DAB1: variants seen among roughly 807,000 people sequenced by gnomAD.
The protein encoded by DAB1 is DAB adaptor protein 1, also known as disabled homolog 1.
In DAB1, 15 loss-of-function variants were observed where a neutral mutation model predicts 64.6. That is an observed-to-expected ratio of 0.23 (90% CI 0.16 to 0.36). DAB1 has a LOEUF of 0.36. DAB1 is among the 10% of genes least tolerant of loss of function. The pLI is 1.00. For missense variants in DAB1, 596 were observed against 706.7 expected (o/e 0.84, Z 1.78); for synonymous variants, 235 against 251.9 (o/e 0.93, Z 0.64).
intron 2 of DAB1, among the ~76,000 whole-genome samples, chr1:57,215,377 A>T (rs914331842): frequency 6.6e-6 from 1 of 152,254 alleles, no homozygotes; most frequent in African/African-American, 2.4e-5. Flanking sequence ...CCGCATTCAG[A>T]ACATGGGAGA....
intron 7 of DAB1, among the ~76,000 whole-genome samples, chr1:57,553,442 G>GAAAGAAAGAGAA (rs59263518): frequency 3.7e-4 from 25 of 68,186 alleles, no homozygotes; most frequent in African/African-American, 6.9e-4. Context: ...AAGAAAGAAA[G>GAAAGAAAGAGAA]AGAAAGAAAG....
chr1:57,387,040 T>A (rs1343272166), intron 1 of DAB1: 1 of 152,172 alleles, frequency 6.6e-6, no homozygotes, highest in African/African-American at 2.4e-5. Context: ...TTTCTTAAGA[T>A]GTATCCAGCT....
At chr1:57,046,506 C>T (rs1648514201) in intron 9 of DAB1, among the ~76,000 whole-genome samples, 1 of 152,138 alleles carries the variant, frequency 6.6e-6, no homozygotes, top group East Asian at 1.9e-4. Flanking sequence ...AGAACCTCAA[C>T]ATGATGATTT....
At chr1:57,016,592 TAA>T (rs569427918) in intron 11 of DAB1, among the ~76,000 whole-genome samples, 8 of 138,652 alleles carry the variant, frequency 5.8e-5, no homozygotes, top group Admixed American at 1.5e-4. Flanking sequence ...CACTTGTCTC[TAA>T]AAAAAAAAAA....
intron 3 of DAB1, among the ~76,000 whole-genome samples, chr1:58,370,219 G>A (rs776616039): frequency 6.6e-6 from 1 of 152,142 alleles, no homozygotes; most frequent in Non-Finnish European, 1.5e-5. Flanking sequence ...TGTACTGAAT[G>A]TGAATAGAAC....
chr1:58,326,076 T>A (rs1257935305), intron 4 of DAB1, among the ~76,000 whole-genome samples: 1 of 152,204 alleles, frequency 6.6e-6, no homozygotes, highest in Non-Finnish European at 1.5e-5. Flanking sequence ...GGACAATGTA[T>A]TCAGCTTCGT....
At chr1:57,860,997 C>T in intron 1 of DAB1, 1 of 152,294 alleles carries the variant, frequency 6.6e-6, no homozygotes, top group African/African-American at 2.4e-5. Context: ...ACCTGTTGAG[C>T]AAACAGCAGT....
intron 10 of DAB1, among the ~76,000 whole-genome samples, chr1:57,024,737 A>G (rs951183329): frequency 1.3e-5 from 2 of 152,180 alleles, no homozygotes; most frequent in African/African-American, 2.4e-5. Flanking sequence ...CATCTGTAAA[A>G]TGAAGGGGAT....
rs111401157 is a variant in DAB1, at chr1:57,592,535, A to T, written n.625+57057T>A. On this transcript the variant is annotated intron_variant and non_coding_transcript_variant, in intron 7 of 20. Transcript: ENST00000485760. ...TAAATTGGTTGCCACATTAGTGAGGAGTCTTCAGGTCATAGACAATAGAAA... is the reference window on the plus strand; with the variant it reads ...TAAATTGGTTGCCACATTAGTGAGGTGTCTTCAGGTCATAGACAATAGAAA... Among the ~76,000 whole-genome samples, 243 of 152,258 alleles carry T rather than the reference A, an allele frequency of 1.6e-3. 1 individual carries two copies. Among genetic ancestry groups the T allele is most frequent in the African/African-American group, 5.4e-3 (226 of 41,556 alleles).
At position 57,773,223 on chromosome 1, in the gene DAB1, C is replaced by A. The variant is rs1053232502; in HGVS notation, n.551+110776G>T. The stretch of plus-strand genomic sequence containing the variant: ...TAAGAGCCCCAGGAAATTAACATAG[C>A]ATTTTTTCATGTACTGATTAGCTAA... On this transcript the variant is annotated intron_variant and non_coding_transcript_variant, in intron 6 of 20. Coordinates refer to the DAB1 transcript ENST00000485760. 3.3e-5 allele frequency among the ~76,000 whole-genome samples: 5 copies of A among 152,054 alleles called. 1 individual carries two copies. The highest frequency in any genetic ancestry group is 7.4e-5 in the Non-Finnish European group (5 of 67,944).
chr1:57,982,351 T>G (rs1177794431), intron 5 of DAB1, among the ~76,000 whole-genome samples: 1 of 152,204 alleles, frequency 6.6e-6, no homozygotes, highest in African/African-American at 2.4e-5. Context: ...AAGCAATGGC[T>G]GCACTTGTCT....
chr1:57,156,415 G>C (rs1481506753), intron 2 of DAB1, among the ~76,000 whole-genome samples: 1 of 152,132 alleles, frequency 6.6e-6, no homozygotes, highest in Non-Finnish European at 1.5e-5. Context: ...AACTCTATAA[G>C]GGTAGGAACT....
chr1:57,059,677 G>C (rs2100558621), intron 9 of DAB1, among the ~76,000 whole-genome samples: 1 of 151,974 alleles, frequency 6.6e-6, no homozygotes, highest in Non-Finnish European at 1.5e-5. Context: ...CGAGAGGCTT[G>C]GGCAAGTGGG....
intron 2 of DAB1, among the ~76,000 whole-genome samples, chr1:57,260,223 T>C (rs1186410741): frequency 6.6e-6 from 1 of 152,160 alleles, no homozygotes; most frequent in African/African-American, 2.4e-5. Flanking sequence ...ACACAGTCTC[T>C]AGTATCCTTC....
intron 5 of DAB1, among the ~76,000 whole-genome samples, chr1:57,899,829 C>G (rs1029028044): frequency 2.6e-5 from 4 of 152,146 alleles, no homozygotes; most frequent in Non-Finnish European, 5.9e-5. Context: ...CGGAATGCAC[C>G]AGGCCCAGCA....
chr1:57,706,646 C>T (rs1170326270), intron 6 of DAB1, among the ~76,000 whole-genome samples: 1 of 152,106 alleles, frequency 6.6e-6, no homozygotes, highest in Non-Finnish European at 1.5e-5. Context: ...CTTTTCTCCC[C>T]ATTTTTCTTT....
intron 6 of DAB1, among the ~76,000 whole-genome samples, chr1:57,720,426 C>T (rs780583759): frequency 6.6e-6 from 1 of 152,210 alleles, no homozygotes; most frequent in Admixed American, 6.5e-5. Flanking sequence ...ACCACTGCCC[C>T]ATATTGCCAA....
At chr1:57,620,266 A>G (rs745458123) in intron 7 of DAB1, among the ~76,000 whole-genome samples, 2 of 152,228 alleles carry the variant, frequency 1.3e-5, no homozygotes, top group Middle Eastern at 3.4e-3. Flanking sequence ...AAGGCCAAGC[A>G]GATGATGAGT....
intron 3 of DAB1, among the ~76,000 whole-genome samples, chr1:58,374,539 ATC>A (rs1220978935): frequency 6.6e-6 from 1 of 150,394 alleles, no homozygotes; most frequent in African/African-American, 2.5e-5. Flanking sequence ...ATTGATCTAT[ATC>A]TCTGTTTTGG....
Sources: gnomAD v4.1 joint callset for allele counts (sites outside exome capture counted in the v4.1 genomes callset) on GRCh38, gnomAD v4.1.1 for gene constraint, MANE v1.5 for transcripts, NCBI Gene and HGNC (gene_info 2026-07-23, HGNC 2026-07-21) for gene names.